FAT1: variants seen among roughly 807,000 people sequenced by gnomAD.
FAT1 encodes the protein protocadherin Fat 1.
FAT1 carries 171 observed loss-of-function variants against 329.8 expected under a neutral mutation model. The observed-to-expected ratio is 0.52, with a 90% CI of 0.46 to 0.59. The LOEUF (loss-of-function observed/expected upper bound fraction) is 0.59. Ranked by LOEUF, FAT1 falls within the 20% of genes least tolerant of loss-of-function variation. The pLI is 0.00. For synonymous variants in FAT1, 2,233 were observed against 2,228.6 expected (o/e 1.00, Z -0.06); for missense variants, 5,672 against 5,774.4 (o/e 0.98, Z 0.57).
intron 16 of FAT1, 102 bp from the exon 17 acceptor site, chr4:186,606,315 G>C (rs538948816): frequency 7.7e-6 from 10 of 1,301,966 alleles, no homozygotes; most frequent in South Asian, 1.4e-5. Flanking sequence ...GTCCCAGTGA[G>C]CTACCACTAT....
At chr4:186,654,153 C>A in intron 3 of FAT1, among the ~76,000 whole-genome samples, 1 of 152,168 alleles carries the variant, frequency 6.6e-6, no homozygotes, top group East Asian at 1.9e-4. Context: ...CCTCTGGTAG[C>A]TCTGACCTCT....
Position 186,644,905 on chromosome 4 carries a change from A to G in FAT1, c.3581-5122T>C, listed in dbSNP as rs189806613. ...TACTGTCCACTCAGAAAGTGGAGAT[A>G]AGACAGTCTTGTTTGCAAGAAACCA... On this transcript the variant is annotated intron_variant, in intron 3 of 26. Coordinates refer to ENST00000441802, the MANE Select transcript of FAT1 (RefSeq NM_005245.4). Among the ~76,000 whole-genome samples, 6 of 152,326 alleles carry G rather than the reference A, an allele frequency of 3.9e-5. No homozygotes were observed. In the East Asian group the frequency reaches 1.2e-3, roughly 29 times the overall value.
intron 2 of FAT1, among the ~76,000 whole-genome samples, chr4:186,694,369 G>C (rs1743928614): frequency 6.6e-6 from 1 of 152,124 alleles, no homozygotes; most frequent in Non-Finnish European, 1.5e-5. Context: ...CTTTTAAATA[G>C]AATAATGAAG....
At chr4:186,680,126 T>C (rs1225369653) in intron 2 of FAT1, among the ~76,000 whole-genome samples, 1 of 152,204 alleles carries the variant, frequency 6.6e-6, no homozygotes, top group Non-Finnish European at 1.5e-5. Context: ...TTTAACCTAA[T>C]ACTGAAGACA....
rs556340445 is a variant in FAT1 at position 186,588,096 on chromosome 4, G to C, written c.*496C>G. On this transcript the variant is annotated 3_prime_UTR_variant, in exon 27 of 27. Transcript: ENST00000441802. ...TGTACTAACAAAATGTCACACTTCA[G>C]TGGAAAAAGACAGAATGAAACCCTG... 43 of 220,052 alleles carry C rather than the reference G, an allele frequency of 2.0e-4. No homozygotes were observed. Among genetic ancestry groups the C allele is most frequent in the Non-Finnish European group, 1.7e-4 (19 of 110,538 alleles). 13.6% of individuals were successfully genotyped at this position (220,052 alleles called of 1,614,324 possible).
chr4:186,616,579 C>T (rs923670), intron 11 of FAT1, among the ~76,000 whole-genome samples: 6,529 of 152,026 alleles, frequency 0.043, 311 homozygotes, highest in East Asian at 0.18. Flanking sequence ...TGGTGAGCCG[C>T]GCAGATGCAG....
In FAT1 at chr4:186,618,818, T is replaced by G; in HGVS notation, c.7768A>C (p.Asn2590His). The change falls in exon 10 of 27, where the codon AAT (asparagine) becomes CAT (histidine). Residue 2590 changes from asparagine (N) to histidine (H), a missense_variant. By Grantham distance (68) the Asn-to-His change is moderately conservative. Transcript: ENST00000441802. The part of the protein sequence containing the change: ...CTVNVILTDD[N>H]DNAPQFRATK... The stretch of plus-strand genomic sequence containing the variant: ...GCTCGAAATTGTGGTGCATTGTCAT[T>G]GTCATCTGTAAGGATGACATTCACG... 6.2e-7 allele frequency: 1 copy of G among 1,614,034 alleles called. No individual in the cohort carries two copies. Among genetic ancestry groups the G allele is most frequent in the East Asian group, 2.2e-5 (1 of 44,884 alleles).
At chr4:186,593,453 C>T (rs1738338883) in intron 26 of FAT1, among the ~76,000 whole-genome samples, 1 of 152,154 alleles carries the variant, frequency 6.6e-6, no homozygotes, top group African/African-American at 2.4e-5. Context: ...ATCCCAGGAG[C>T]CTGTGAATAT....
In FAT1 at chr4:186,620,263, C is replaced by G. The variant is rs780389120; in HGVS notation, c.6323G>C (p.Arg2108Thr). 2.5e-6 allele frequency: 4 copies of G among 1,614,046 alleles called. No homozygotes were observed. The highest frequency in any genetic ancestry group is 2.5e-6 in the Non-Finnish European group (3 of 1,179,908). The change falls in exon 10 of 27, where the codon AGA (arginine) becomes ACA (threonine). Residue 2108 changes from arginine (R) to threonine (T), a missense_variant. Coordinates refer to ENST00000441802, the MANE Select transcript of FAT1 (RefSeq NM_005245.4). The stretch of plus-strand genomic sequence containing the variant: ...CACTTCCCCGTTTCTGCCACTGTCT[C>G]TGTCTACAGCAGTGACATAGCGAAT... ...HVIRYVTAVD[R>T]DSGRNGEVHY...
intron 2 of FAT1, among the ~76,000 whole-genome samples, chr4:186,688,529 C>A (rs866242486): frequency 5.3e-5 from 8 of 152,128 alleles, no homozygotes; most frequent in Middle Eastern, 3.4e-3. Context: ...CAATAGGGTT[C>A]CAAGCAAGAC....
chr4:186,679,284 G>T (rs1579436726), intron 2 of FAT1, among the ~76,000 whole-genome samples: 1 of 152,142 alleles, frequency 6.6e-6, no homozygotes, highest in East Asian at 1.9e-4. Context: ...GGGCGTGGTG[G>T]CGGGAGCCTG....
intron 1 of FAT1, among the ~76,000 whole-genome samples, chr4:186,722,825 A>T (rs968481108): frequency 5.3e-5 from 8 of 152,170 alleles, no homozygotes; most frequent in African/African-American, 1.9e-4. Context: ...ATCCACTTTT[A>T]AAAAATCGCC....
chr4:186,627,349 A>T (rs1443315914), intron 9 of FAT1, among the ~76,000 whole-genome samples: 2 of 152,166 alleles, frequency 1.3e-5, no homozygotes, highest in Non-Finnish European at 2.9e-5. Flanking sequence ...CCTGACACAT[A>T]AAACGAGCTT....
intron 3 of FAT1, among the ~76,000 whole-genome samples, chr4:186,645,434 A>C (rs1741324757): frequency 7.6e-6 from 1 of 132,118 alleles, no homozygotes; most frequent in Non-Finnish European, 1.6e-5. Flanking sequence ...CCTGTAAAAA[A>C]CTGAGATATA....
At chr4:186,716,551 C>T (rs959941892) in intron 1 of FAT1, among the ~76,000 whole-genome samples, 9 of 152,100 alleles carry the variant, frequency 5.9e-5, no homozygotes, top group Admixed American at 1.3e-4. Flanking sequence ...CCTCCGCCTC[C>T]GGGGTACCTG....
At chr4:186,688,467 T>G (rs1416753842) in intron 2 of FAT1, among the ~76,000 whole-genome samples, 2 of 152,136 alleles carry the variant, frequency 1.3e-5, no homozygotes, top group African/African-American at 4.8e-5. Context: ...TCCCCTGCAG[T>G]GAGATGGCCC....
intron 13 of FAT1, 116 bp downstream of exon 13, chr4:186,612,993 A>G: frequency 4.7e-6 from 3 of 644,268 alleles, no homozygotes; most frequent in Non-Finnish European, 5.5e-6. Flanking sequence ...AGGAAGGGCT[A>G]TGGAACATGC....
intron 2 of FAT1, 52 bp downstream of exon 2, chr4:186,706,511 A>C (rs1744604499): frequency 6.6e-7 from 1 of 1,526,354 alleles, no homozygotes; most frequent in African/African-American, 1.4e-5. Context: ...TGGTTAAAAA[A>C]AAAAAAAAAA....
In FAT1 at chr4:186,621,434, T is replaced by A. The variant is rs1413170163; in HGVS notation, c.5152A>T (p.Thr1718Ser). The change falls in exon 10 of 27, where the codon ACT becomes TCT. Residue 1718 changes from threonine to serine, a missense_variant. Physicochemically the swap from Thr to Ser is moderately conservative, Grantham distance 58 (BLOSUM62 1). Around this residue, in one of 2 missense-constraint regions of FAT1, gnomAD observed 3,966 missense variants for 3,915.2 expected, o/e 1.01. Transcript: ENST00000441802. ...DAFDINPHSG[T>S]IITQKALDFE... is the part of the protein sequence containing the mutation. The stretch of plus-strand genomic sequence containing the variant: ...TCCAGGGCTTTCTGAGTGATGATAG[T>A]TCCAGAATGTGGATTAATATCAAAA... The A allele has an allele frequency of 6.2e-7, 1 of 1,613,928 alleles. No individual in the cohort carries two copies. The highest frequency in any genetic ancestry group is 8.5e-7 in the Non-Finnish European group (1 of 1,179,902).
Sources: gnomAD v4.1 joint callset for allele counts (sites outside exome capture counted in the v4.1 genomes callset) on GRCh38, gnomAD v4.1.1 for gene constraint, gnomAD v4.1.1 regional missense constraint, MANE v1.5 for transcripts, NCBI Gene and HGNC (gene_info 2026-07-23, HGNC 2026-07-21) for gene names.